The following NGEF variants were observed in gnomAD, a reference collection of about 807,000 sequenced individuals.
NGEF encodes the protein ephexin-1.
NGEF carries 31 observed loss-of-function variants against 80.9 expected under a neutral mutation model. The observed-to-expected ratio is 0.38, with a 90% CI of 0.29 to 0.52. NGEF has a LOEUF of 0.52. Ranked by LOEUF, NGEF falls within the 20% of genes least tolerant of loss-of-function variation. The pLI is 0.84. For synonymous variants in NGEF, 371 were observed against 370.2 expected (o/e 1.00, Z -0.03); for missense variants, 709 against 926.2 (o/e 0.77, Z 3.04).
rs542107714 is a variant in NGEF, at chr2:232,911,505, C to G, written c.828+8779G>C. 1.8e-3 allele frequency among the ~76,000 whole-genome samples: 269 copies of G among 152,210 alleles called. 1 individual carries two copies. The highest frequency in any genetic ancestry group is 6.0e-3 in the African/African-American group (248 of 41,540). On this transcript the variant is annotated intron_variant, in intron 5 of 14. Coordinates refer to ENST00000264051, the MANE Select transcript of NGEF (RefSeq NM_019850.3). The stretch of plus-strand genomic sequence containing the variant: ...GGCTATTCTAGTTATCTTGCCTTTT[C>G]TGATAAATTTTAGGATAATTTTGTC...
rs559396561 is a variant in NGEF, at chr2:232,890,800, C to T, written c.1272+558G>A. ...CCAGGGCCAGCTCCTAAAAGTGGGT[C>T]CGATCAGGTGACTCCCATCACACTG... On this transcript the variant is annotated intron_variant, in intron 8 of 14. Coordinates refer to ENST00000264051, the MANE Select transcript of NGEF (RefSeq NM_019850.3). 28 of 414,726 alleles carry T rather than the reference C, an allele frequency of 6.8e-5. No individual in the cohort carries two copies. The East Asian group carries it at 2.0e-3, about 29-fold the overall frequency. The allele number at this position is 414,726 out of a possible 1,614,324, so 25.7% of individuals were successfully genotyped here. A position where few individuals can be genotyped will look rare whatever the true frequency, so the allele number is the denominator to read the frequency against.
intron 5 of NGEF, among the ~76,000 whole-genome samples, chr2:232,907,188 G>GAAAAAAAAGA (rs1692585430): frequency 4.4e-5 from 5 of 113,160 alleles, no homozygotes; most frequent in East Asian, 2.6e-4. Flanking sequence ...AGAAAAAAAA[G>GAAAAAAAAGA]AAAAAAAAAA....
At chr2:232,973,277 G>A (rs1376748780) in intron 2 of NGEF, among the ~76,000 whole-genome samples, 1 of 152,148 alleles carries the variant, frequency 6.6e-6, no homozygotes, top group East Asian at 1.9e-4. Flanking sequence ...TTAGTATACG[G>A]GAAATTTCAA....
intron 3 of NGEF, among the ~76,000 whole-genome samples, chr2:232,954,751 G>A: frequency 6.6e-6 from 1 of 150,574 alleles, no homozygotes; most frequent in Admixed American, 6.6e-5. Flanking sequence ...AAAGAGAGGA[G>A]CTCCTAATGC....
At chr2:232,904,949 AAAAAACAAAC>A (rs1280324833) in intron 5 of NGEF, among the ~76,000 whole-genome samples, 1 of 152,206 alleles carries the variant, frequency 6.6e-6, no homozygotes, top group Non-Finnish European at 1.5e-5. Flanking sequence ...TCTCTAAATA[AAAAAACAAAC>A]AAAAACAACA....
At chr2:232,942,332 G>A (rs973882169) in intron 3 of NGEF, among the ~76,000 whole-genome samples, 1 of 152,200 alleles carries the variant, frequency 6.6e-6, no homozygotes, top group African/African-American at 2.4e-5. Flanking sequence ...CCCACTTGTC[G>A]CTGTGAGGGG....
chr2:232,902,916 C>T (rs1389947168), intron 5 of NGEF, among the ~76,000 whole-genome samples: 3 of 152,180 alleles, frequency 2.0e-5, no homozygotes, highest in Non-Finnish European at 4.4e-5. Context: ...ATCACTTGAA[C>T]CTGGGAGGTG....
rs920439499 is a variant in NGEF, at chr2:232,927,989, A to C, written c.384-803T>G. 12 of 1,254,866 alleles carry C rather than the reference A, an allele frequency of 9.6e-6. No homozygotes were observed. The African/African-American group carries it at 1.9e-4, about 20-fold the overall frequency. 77.7% of individuals were successfully genotyped at this position (1,254,866 alleles called of 1,614,324 possible). Reference sequence around the variant, plus strand: ...GCAGGCGGCGCTGAAGGCAGCGGCCAGCAGCTCCATAGGGTCGGCGGCGGG... The same window carrying C: ...GCAGGCGGCGCTGAAGGCAGCGGCCCGCAGCTCCATAGGGTCGGCGGCGGG... On this transcript the variant is annotated intron_variant, in intron 3 of 14. Transcript: ENST00000264051.
At chr2:232,895,038 C>T in intron 5 of NGEF, 122 bp from the exon 6 acceptor site, 1 of 1,114,832 alleles carries the variant, frequency 9.0e-7, no homozygotes, top group South Asian at 1.7e-5. Context: ...AAATCGCCTG[C>T]TCCTGGGGCC....
chr2:232,976,100 C>A lies in NGEF; in HGVS notation c.-74-1136G>T, dbSNP rs918159887. On this transcript the variant is annotated intron_variant, in intron 1 of 14. Transcript: ENST00000264051. ...CCTGTAGTCCCAGCTTCTCGGGAGGCTGAGGCAGGAGAATCGCTTGAATCT... is the reference window on the plus strand; with the variant it reads ...CCTGTAGTCCCAGCTTCTCGGGAGGATGAGGCAGGAGAATCGCTTGAATCT... Among the ~76,000 whole-genome samples, 79 of 152,232 alleles carry A rather than the reference C, an allele frequency of 5.2e-4. 1 individual carries two copies. Among genetic ancestry groups the A allele is most frequent in the African/African-American group, 1.8e-3 (76 of 41,544 alleles).
At chr2:232,912,206 A>C (rs1692704774) in intron 5 of NGEF, among the ~76,000 whole-genome samples, 1 of 152,176 alleles carries the variant, frequency 6.6e-6, no homozygotes, top group Non-Finnish European at 1.5e-5. Flanking sequence ...TGAAAATTTT[A>C]ATGATGACTG....
At chr2:233,001,803 T>G (rs1459239093) in intron 1 of NGEF, among the ~76,000 whole-genome samples, 1 of 151,572 alleles carries the variant, frequency 6.6e-6, no homozygotes, top group Non-Finnish European at 1.5e-5. Flanking sequence ...TCACCTGAGG[T>G]CAGGAGTTTG....
chr2:232,904,785 A>T lies in NGEF; in HGVS notation c.829-9869T>A, dbSNP rs143291910. On this transcript the variant is annotated intron_variant, in intron 5 of 14. Coordinates refer to ENST00000264051, the MANE Select transcript of NGEF (RefSeq NM_019850.3). Reference sequence around the variant, plus strand: ...ACAGCAAGACCCCATCTCTTCAAAAAATTTTTAAAGATTAGCCTGGAGTGG... The same window carrying T: ...ACAGCAAGACCCCATCTCTTCAAAATATTTTTAAAGATTAGCCTGGAGTGG... 5.7e-3 allele frequency among the ~76,000 whole-genome samples: 867 copies of T among 152,164 alleles called. 13 individuals carry two copies. The highest frequency in any genetic ancestry group is 0.019 in the African/African-American group (779 of 41,524).
intron 5 of NGEF, among the ~76,000 whole-genome samples, chr2:232,899,685 CAT>C (rs1175006755): frequency 3.3e-5 from 4 of 121,688 alleles, no homozygotes; most frequent in Non-Finnish European, 7.0e-5. Flanking sequence ...CACAGTCACT[CAT>C]ACACACATTC....
chr2:233,009,720 C>T (rs1695163145), intron 1 of NGEF, among the ~76,000 whole-genome samples: 1 of 152,064 alleles, frequency 6.6e-6, no homozygotes, highest in South Asian at 2.1e-4. Flanking sequence ...GCATGAAGCT[C>T]CAGCCCAAAG....
At chr2:232,995,855 A>C (rs748121912) in intron 1 of NGEF, among the ~76,000 whole-genome samples, 8 of 150,426 alleles carry the variant, frequency 5.3e-5, no homozygotes, top group Non-Finnish European at 8.9e-5. Flanking sequence ...AATATATTGT[A>C]TGTATATACA....
chr2:232,883,209 G>A lies in NGEF; in HGVS notation c.1757+102C>T, dbSNP rs1003156325. 8 of 1,348,272 alleles carry A rather than the reference G, an allele frequency of 5.9e-6. No homozygotes were observed. In the East Asian group the frequency reaches 7.1e-5, roughly 12 times the overall value. The allele number at this position is 1,348,272 out of a possible 1,614,324, so 83.5% of individuals were successfully genotyped here. ...TGGGCAGGTCGGCTCCACACAGAGC[G>A]TGTGTGGTGCCTTGTTCCACCTGGG... is the stretch of plus-strand genomic sequence containing the variant. On this transcript the variant is annotated intron_variant, in intron 12 of 14. Coordinates refer to ENST00000264051, the MANE Select transcript of NGEF (RefSeq NM_019850.3).
chr2:232,888,928 G>A (rs1201084768), intron 8 of NGEF, among the ~76,000 whole-genome samples: 1 of 152,130 alleles, frequency 6.6e-6, no homozygotes, highest in Non-Finnish European at 1.5e-5. Flanking sequence ...TCCTCTTAGC[G>A]GTCCCCACCA....
chr2:232,903,896 G>A (rs1212275428), intron 5 of NGEF, among the ~76,000 whole-genome samples: 1 of 152,118 alleles, frequency 6.6e-6, no homozygotes, highest in Non-Finnish European at 1.5e-5. Context: ...TTTTCTTTTG[G>A]GAGTGGGGAA....
Sources: gnomAD v4.1 joint callset for allele counts (sites outside exome capture counted in the v4.1 genomes callset) on GRCh38, gnomAD v4.1.1 for gene constraint, MANE v1.5 for transcripts, NCBI Gene and HGNC (gene_info 2026-07-23, HGNC 2026-07-21) for gene names.